The following TXNRD1 variants were observed in gnomAD, a reference collection of about 807,000 sequenced individuals.
The protein encoded by TXNRD1 is thioredoxin reductase 1.
A neutral mutation model predicts 80.3 loss-of-function variants in TXNRD1; 57 were observed. The ratio of observed to expected loss-of-function variants is 0.71; its 90% CI spans 0.57 to 0.89. The LOEUF is 0.89. TXNRD1 is among the 40% of genes least tolerant of loss of function. The pLI, the probability that TXNRD1 is intolerant of heterozygous loss-of-function variation, is 0.00. For synonymous variants in TXNRD1, 291 were observed against 285.2 expected (o/e 1.02, Z -0.20); for missense variants, 730 against 803.0 (o/e 0.91, Z 1.10).
At chr12:104,222,664 C>T (rs1179120990) in intron 1 of TXNRD1, among the ~76,000 whole-genome samples, 2 of 152,090 alleles carry the variant, frequency 1.3e-5, no homozygotes, top group Non-Finnish European at 2.9e-5. Flanking sequence ...ACCAGTCTGG[C>T]GAACATGGTG....
chr12:104,286,990 T>C, intron 3 of TXNRD1: 1 of 1,286,344 alleles, frequency 7.8e-7, no homozygotes, highest in Non-Finnish European at 9.9e-7. Flanking sequence ...TGGCTTCTCG[T>C]AGCCATTAGG....
chr12:104,234,358 G>A (rs1214955576), intron 1 of TXNRD1, among the ~76,000 whole-genome samples: 3 of 152,088 alleles, frequency 2.0e-5, no homozygotes, highest in Non-Finnish European at 4.4e-5. Context: ...GCAGTGGCAT[G>A]ATCTCAGCTC....
chr12:104,336,329 G>A (rs2036139775), intron 15 of TXNRD1, among the ~76,000 whole-genome samples: 1 of 152,214 alleles, frequency 6.6e-6, no homozygotes, highest in Admixed American at 6.5e-5. Context: ...CATAAGTAGG[G>A]TGACAGTGTT....
At chr12:104,280,675 T>A (rs2033857686) in intron 3 of TXNRD1, 1 of 152,174 alleles carries the variant, frequency 6.6e-6, no homozygotes. Context: ...CCCTCCATAA[T>A]GTGGATGGGC....
At chr12:104,292,765 A>G (rs754978669) in intron 4 of TXNRD1, among the ~76,000 whole-genome samples, 8 of 152,162 alleles carry the variant, frequency 5.3e-5, no homozygotes, top group Non-Finnish European at 8.8e-5. Context: ...CAAGTTTGAG[A>G]CGCTTTAATA....
Position 104,326,419 on chromosome 12 carries a change from GA to G in TXNRD1, c.1385del (p.Lys462ArgfsTer114). ...GLETVGVKIN[E>X]KTGKIPVTDE... Reference sequence around the variant, plus strand: ...AGAAACCGTAGGGGTGAAGATAAATGAAAAGTAAGAAAAAAATCTTTATTAT... The same window carrying G: ...AGAAACCGTAGGGGTGAAGATAAATGAAAGTAAGAAAAAAATCTTTATTAT... On this transcript the variant is annotated frameshift_variant, in exon 12 of 17. Coordinates refer to ENST00000525566, the MANE Select transcript of TXNRD1 (RefSeq NM_001093771.3). LOFTEE classifies it high-confidence loss of function. 1 of 1,467,804 alleles carries G rather than the reference GA, an allele frequency of 6.8e-7. No individual in the cohort carries two copies. The highest frequency in any genetic ancestry group is 9.2e-7 in the Non-Finnish European group (1 of 1,090,952). 90.9% of individuals were successfully genotyped at this position (1,467,804 alleles called of 1,614,324 possible). A position where few individuals can be genotyped will look rare whatever the true frequency, so the allele number is the denominator to read the frequency against.
chr12:104,299,317 C>T (rs2034538021), intron 4 of TXNRD1, among the ~76,000 whole-genome samples: 1 of 151,820 alleles, frequency 6.6e-6, no homozygotes, highest in African/African-American at 2.4e-5. Context: ...AAGATTGGAA[C>T]CCAGATCGTC....
chr12:104,227,657 C>G (rs984232538), intron 1 of TXNRD1, among the ~76,000 whole-genome samples: 7 of 152,128 alleles, frequency 4.6e-5, no homozygotes, highest in African/African-American at 1.7e-4. Context: ...CCCATGCTAT[C>G]CCTTTGTGGT....
intron 13 of TXNRD1, among the ~76,000 whole-genome samples, chr12:104,329,834 G>A (rs2135858934): frequency 6.6e-6 from 1 of 152,256 alleles, no homozygotes; most frequent in African/African-American, 2.4e-5. Context: ...TTCCAGGAAA[G>A]ACCCTGGGCT....
chr12:104,227,486 C>CA (rs1443624786), intron 1 of TXNRD1, among the ~76,000 whole-genome samples: 2 of 152,134 alleles, frequency 1.3e-5, no homozygotes, highest in Non-Finnish European at 2.9e-5. Flanking sequence ...AGGCTGGTCT[C>CA]AAACTCCTGG....
At chr12:104,240,329 A>G (rs2032831754) in intron 1 of TXNRD1, among the ~76,000 whole-genome samples, 1 of 151,170 alleles carries the variant, frequency 6.6e-6, no homozygotes, top group East Asian at 1.9e-4. Flanking sequence ...GTGTAACCAC[A>G]TGTCTTATTT....
rs548650974 is a variant in TXNRD1 at position 104,256,578 on chromosome 12, A to G, written c.244-1441A>G. 2.6e-4 allele frequency among the ~76,000 whole-genome samples: 39 copies of G among 152,196 alleles called. No homozygotes were observed. The East Asian group carries it at 7.2e-3, about 28-fold the overall frequency. On this transcript the variant is annotated intron_variant, in intron 2 of 16. Transcript: ENST00000525566. Reference sequence around the variant, plus strand: ...GGCAGATCACGAGGTCAGGAGATAGAGACCATCCTGGCCAACATGGTGAAA... The same window carrying G: ...GGCAGATCACGAGGTCAGGAGATAGGGACCATCCTGGCCAACATGGTGAAA...
chr12:104,336,425 GCTTGTAGAA>G (rs1340468086), intron 15 of TXNRD1, among the ~76,000 whole-genome samples: 1 of 152,034 alleles, frequency 6.6e-6, no homozygotes, highest in Non-Finnish European at 1.5e-5. Flanking sequence ...TGAGGTAAAA[GCTTGTAGAA>G]CTTCACTATC....
chr12:104,302,641 C>T (rs1158357669), intron 4 of TXNRD1, among the ~76,000 whole-genome samples: 3 of 152,088 alleles, frequency 2.0e-5, no homozygotes, highest in Admixed American at 1.3e-4. Context: ...AGGCGCCTGC[C>T]ACCGCGCCCG....
At chr12:104,321,928 T>C (rs1219303820) in intron 10 of TXNRD1, among the ~76,000 whole-genome samples, 1 of 152,158 alleles carries the variant, frequency 6.6e-6, no homozygotes, top group Non-Finnish European at 1.5e-5. Context: ...CTCAGACTAA[T>C]AGATAATTTT....
chr12:104,290,147 G>A (rs745785830), intron 4 of TXNRD1, among the ~76,000 whole-genome samples: 1 of 152,190 alleles, frequency 6.6e-6, no homozygotes, highest in African/African-American at 2.4e-5. Context: ...TGCGTTAAAT[G>A]TAAAAATATA....
Position 104,348,587 on chromosome 12 carries a change from T to C in TXNRD1, c.*166T>C. On this transcript the variant is annotated 3_prime_UTR_variant, in exon 17 of 17. Transcript: ENST00000525566. ...GATCTCTTGGATAGGAGTTGGTGAA[T>C]AGAAGGCAGGCAGCATCACACTGGG... 3 of 616,696 alleles carry C rather than the reference T, an allele frequency of 4.9e-6. No individual in the cohort carries two copies. The highest frequency in any genetic ancestry group is 8.5e-6 in the Non-Finnish European group (3 of 351,398). The allele number at this position is 616,696 out of a possible 1,614,324, so 38.2% of individuals were successfully genotyped here.
chr12:104,225,741 C>G (rs2032459928), intron 1 of TXNRD1, among the ~76,000 whole-genome samples: 1 of 149,590 alleles, frequency 6.7e-6, no homozygotes, highest in Non-Finnish European at 1.5e-5. Context: ...TTATAAATTA[C>G]CTAGTCTCAG....
intron 15 of TXNRD1, among the ~76,000 whole-genome samples, chr12:104,338,477 C>T (rs1359763843): frequency 6.6e-6 from 1 of 151,396 alleles, no homozygotes; most frequent in Non-Finnish European, 1.5e-5. Context: ...CGTGGATCAC[C>T]TGAGATCAGG....
Sources: allele counts gnomAD v4.1 joint callset (sites outside exome capture counted in the v4.1 genomes callset), GRCh38; gene constraint gnomAD v4.1.1; transcripts MANE v1.5; gene names NCBI Gene and HGNC (gene_info 2026-07-23, HGNC 2026-07-21).